DPYD: variants seen among roughly 807,000 people sequenced by gnomAD.
DPYD encodes the protein dihydropyrimidine dehydrogenase, also known as dihydropyrimidine dehydrogenase [NADP(+)].
In DPYD, 109 loss-of-function variants were observed where a neutral mutation model predicts 116.2. That is an observed-to-expected ratio of 0.94 (90% CI 0.80 to 1.10). The LOEUF is 1.10. Among genes scored for constraint, DPYD ranks in the 50% least tolerant of loss-of-function variants. DPYD has a pLI of 0.00. For synonymous variants in DPYD, 440 were observed against 432.0 expected (o/e 1.02, Z -0.23); for missense variants, 1,302 against 1,254.5 (o/e 1.04, Z -0.57).
At chr1:97,173,637 TG>T (rs1657044797) in intron 20 of DPYD, among the ~76,000 whole-genome samples, 1 of 151,224 alleles carries the variant, frequency 6.6e-6, no homozygotes, top group African/African-American at 2.4e-5. Context: ...CTGCAGTGCC[TG>T]GCATGGAATA....
At chr1:97,541,160 C>T (rs146873127) in intron 12 of DPYD, among the ~76,000 whole-genome samples, 252 of 152,182 alleles carry the variant, frequency 1.7e-3, no homozygotes, top group African/African-American at 5.8e-3. Flanking sequence ...TGTATACCTA[C>T]GAAATTTCTG....
At position 97,656,940 on chromosome 1, in the gene DPYD, A is replaced by C. The variant is rs191619449; in HGVS notation, c.850+22155T>G. On this transcript the variant is annotated intron_variant, in intron 8 of 22. Transcript: ENST00000370192. ...GGGCTTGATTCAAAACTCAACTGCA[A>C]TTTCTTAACTCTGCTGCATGATTGT... Among the ~76,000 whole-genome samples the C allele has an allele frequency of 3.1e-4, 47 of 149,222 alleles. 1 individual carries two copies. In the East Asian group the frequency reaches 8.4e-3, roughly 27 times the overall value.
At chr1:97,567,095 A>G (rs919481983) in intron 11 of DPYD, among the ~76,000 whole-genome samples, 3 of 152,140 alleles carry the variant, frequency 2.0e-5, no homozygotes, top group Admixed American at 2.0e-4. Context: ...TTGCATCGTA[A>G]GAATCTTAGC....
chr1:97,698,613 AT>A (rs1271647307), intron 6 of DPYD, among the ~76,000 whole-genome samples: 2 of 151,872 alleles, frequency 1.3e-5, no homozygotes, highest in Admixed American at 1.3e-4. Flanking sequence ...GTAATCCATG[AT>A]TTTTTTGATA....
intron 2 of DPYD, among the ~76,000 whole-genome samples, chr1:97,879,961 G>C (rs4394693): frequency 0.73 from 109,948 of 151,356 alleles, 40,565 homozygotes; most frequent in East Asian, 0.93. Flanking sequence ...TAATTGTTGA[G>C]TCCAATTATA....
intron 19 of DPYD, among the ~76,000 whole-genome samples, chr1:97,226,657 A>G (rs182302046): frequency 1.1e-4 from 17 of 152,304 alleles, no homozygotes; most frequent in African/African-American, 4.1e-4. Context: ...CTTAGCGATA[A>G]ATTTAACCAA....
chr1:97,811,586 G>C (rs753402751), intron 3 of DPYD, among the ~76,000 whole-genome samples: 7 of 152,054 alleles, frequency 4.6e-5, no homozygotes, highest in Non-Finnish European at 7.4e-5. Context: ...TCATAGATTA[G>C]ATCTCAGCCC....
chr1:97,774,062 C>T (rs1313290013), intron 3 of DPYD, among the ~76,000 whole-genome samples: 3 of 152,216 alleles, frequency 2.0e-5, no homozygotes, highest in African/African-American at 7.2e-5. Flanking sequence ...CTAGATGCTG[C>T]CGTGGGGTCC....
At chr1:97,179,788 T>C (rs1657528506) in intron 20 of DPYD, among the ~76,000 whole-genome samples, 1 of 152,148 alleles carries the variant, frequency 6.6e-6, no homozygotes, top group African/African-American at 2.4e-5. Flanking sequence ...AGAACTATTA[T>C]AGGGCATGGA....
At chr1:97,162,310 C>T (rs1321797843) in intron 20 of DPYD, among the ~76,000 whole-genome samples, 3 of 152,082 alleles carry the variant, frequency 2.0e-5, no homozygotes, top group Non-Finnish European at 1.5e-5. Context: ...ATTTGCATTT[C>T]TCTGATGCAT....
At chr1:97,725,097 C>G (rs76413586) in intron 4 of DPYD, among the ~76,000 whole-genome samples, 1 of 151,442 alleles carries the variant, frequency 6.6e-6, no homozygotes, top group Non-Finnish European at 1.5e-5. Flanking sequence ...AATAAAAGTA[C>G]AGCAAACTTA....
At chr1:97,789,039 T>C (rs1304508311) in intron 3 of DPYD, among the ~76,000 whole-genome samples, 3 of 152,096 alleles carry the variant, frequency 2.0e-5, no homozygotes, top group Non-Finnish European at 4.4e-5. Flanking sequence ...GGTGAGCTCA[T>C]GCGATCTACC....
chr1:97,851,638 A>T (rs1670573191), intron 2 of DPYD, among the ~76,000 whole-genome samples: 1 of 151,830 alleles, frequency 6.6e-6, no homozygotes, highest in African/African-American at 2.4e-5. Flanking sequence ...ATTTAACCCT[A>T]GTCCTCCAAA....
At chr1:97,529,983 C>T (rs1306464548) in intron 12 of DPYD, among the ~76,000 whole-genome samples, 3 of 150,280 alleles carry the variant, frequency 2.0e-5, no homozygotes, top group African/African-American at 7.3e-5. Flanking sequence ...TACCCAGCAT[C>T]CCTCTCACCC....
At chr1:97,883,432 C>T (rs763028964) in intron 1 of DPYD, 58 bp from the exon 2 acceptor site, 6 of 1,241,928 alleles carry the variant, frequency 4.8e-6, no homozygotes, top group Non-Finnish European at 5.8e-6. Context: ...TTTGTTTAAA[C>T]TTATTTTTAT....
At chr1:97,538,112 C>A (rs571470225) in intron 12 of DPYD, among the ~76,000 whole-genome samples, 5 of 151,928 alleles carry the variant, frequency 3.3e-5, no homozygotes, top group African/African-American at 1.2e-4. Context: ...AATTGTACCT[C>A]ATTAGCAATG....
chr1:97,388,330 G>C (rs1406470330), intron 14 of DPYD, among the ~76,000 whole-genome samples: 1 of 152,010 alleles, frequency 6.6e-6, no homozygotes, highest in African/African-American at 2.4e-5. Flanking sequence ...TATGAGTGGA[G>C]AATTCACTAA....
chr1:97,190,223 AT>A (rs1290858494), intron 20 of DPYD, among the ~76,000 whole-genome samples: 2 of 151,926 alleles, frequency 1.3e-5, no homozygotes, highest in African/African-American at 4.8e-5. Flanking sequence ...TGCCTCTTTT[AT>A]TTCACTTCTT....
intron 16 of DPYD, among the ~76,000 whole-genome samples, chr1:97,314,409 C>T (rs148957966): frequency 1.3e-3 from 190 of 151,354 alleles, no homozygotes; most frequent in Non-Finnish European, 1.3e-3. Flanking sequence ...TTCTTCCTTT[C>T]AGACAAAATT....
Sources: allele counts gnomAD v4.1 joint callset (sites outside exome capture counted in the v4.1 genomes callset), GRCh38; gene constraint gnomAD v4.1.1; transcripts MANE v1.5; gene names NCBI Gene and HGNC (gene_info 2026-07-23, HGNC 2026-07-21).